Variants in DOCK1 observed in about 807,000 individuals in gnomAD.
DOCK1 encodes the protein dedicator of cytokinesis 1.
A neutral mutation model predicts 262.7 loss-of-function variants in DOCK1; 138 were observed. The ratio of observed to expected loss-of-function variants is 0.53; its 90% CI spans 0.46 to 0.61. DOCK1 has a LOEUF of 0.61. DOCK1 is among the 20% of genes least tolerant of loss of function. The pLI is 0.00. For missense variants in DOCK1, 1,908 were observed against 2,370.7 expected (o/e 0.80, Z 4.05); for synonymous variants, 866 against 867.4 (o/e 1.00, Z 0.03).
At chr10:127,060,018 A>T (rs2045427268) in intron 22 of DOCK1, among the ~76,000 whole-genome samples, 1 of 152,140 alleles carries the variant, frequency 6.6e-6, no homozygotes. Context: ...GACCTTTAGT[A>T]TGCCTCAGTC....
chr10:127,004,746 C>T (rs1172767798), intron 10 of DOCK1, among the ~76,000 whole-genome samples: 5 of 129,494 alleles, frequency 3.9e-5, no homozygotes, highest in Non-Finnish European at 6.7e-5. Context: ...GTCATCCTGT[C>T]CCCCCCAACG....
chr10:127,394,352 TAAAAAAA>T (rs34284692), intron 38 of DOCK1, among the ~76,000 whole-genome samples: 2 of 133,072 alleles, frequency 1.5e-5, no homozygotes, highest in Non-Finnish European at 3.2e-5. Context: ...TGCACCAATG[TAAAAAAA>T]AAAAAAAAAA....
At chr10:127,363,183 G>A (rs2064692116) in intron 33 of DOCK1, among the ~76,000 whole-genome samples, 1 of 152,112 alleles carries the variant, frequency 6.6e-6, no homozygotes, top group Admixed American at 6.5e-5. Context: ...CAAGTACTAG[G>A]GAGTCCTCTG....
At chr10:127,114,367 T>C (rs550077546) in intron 25 of DOCK1, among the ~76,000 whole-genome samples, 2 of 152,260 alleles carry the variant, frequency 1.3e-5, no homozygotes, top group East Asian at 3.9e-4. Flanking sequence ...AGGTTTGGAT[T>C]CACATGGGGA....
intron 38 of DOCK1, among the ~76,000 whole-genome samples, chr10:127,400,829 C>T (rs941606150): frequency 5.9e-5 from 9 of 152,262 alleles, no homozygotes; most frequent in African/African-American, 9.6e-5. Flanking sequence ...TGGGCTTTGG[C>T]TAAGCCAACT....
intron 26 of DOCK1, among the ~76,000 whole-genome samples, chr10:127,126,278 G>A (rs544756756): frequency 2.4e-4 from 36 of 152,054 alleles, no homozygotes; most frequent in African/African-American, 7.5e-4. Flanking sequence ...TGTATTTTTA[G>A]TACAGACGGG....
At chr10:126,964,389 A>G (rs1477000660) in intron 1 of DOCK1, among the ~76,000 whole-genome samples, 2 of 152,218 alleles carry the variant, frequency 1.3e-5, no homozygotes, top group Non-Finnish European at 2.9e-5. Flanking sequence ...TGGACCAGGC[A>G]AACGTGTAGG....
chr10:127,176,063 A>T lies in DOCK1; in HGVS notation c.2847+48299A>T. 6.2e-7 allele frequency: 1 copy of T among 1,613,850 alleles called. No individual in the cohort carries two copies. Among genetic ancestry groups the T allele is most frequent in the Non-Finnish European group, 8.5e-7 (1 of 1,179,982 alleles). On this transcript the variant is annotated intron_variant, in intron 27 of 51. Transcript: ENST00000623213. The surrounding 1 kb of genome is among the most constrained non-coding windows in gnomAD (Gnocchi z 4.4). Reference sequence around the variant, plus strand: ...GAGGGAACGTCTGGTAACACTTCTTAAGGTCGGGCGAGGTCTGCACGCCTG... The same window carrying T: ...GAGGGAACGTCTGGTAACACTTCTTTAGGTCGGGCGAGGTCTGCACGCCTG...
intron 29 of DOCK1, among the ~76,000 whole-genome samples, chr10:127,262,916 G>A (rs2060225635): frequency 6.6e-6 from 1 of 152,152 alleles, no homozygotes. Context: ...TGGAGGTTGG[G>A]TCACGTGCCA....
intron 50 of DOCK1, among the ~76,000 whole-genome samples, chr10:127,447,069 C>T (rs766956721): frequency 2.0e-5 from 3 of 152,284 alleles, no homozygotes; most frequent in Non-Finnish European, 4.4e-5. Flanking sequence ...TAACTTCCAC[C>T]GAGGCAGGGG....
intron 23 of DOCK1, among the ~76,000 whole-genome samples, chr10:127,105,794 T>C (rs12261419): frequency 0.22 from 34,188 of 152,070 alleles, 5,498 homozygotes; most frequent in African/African-American, 0.46. Flanking sequence ...GGATCTTGCT[T>C]TGTTGCCGGG....
At chr10:127,188,571 A>G (rs1326935995) in intron 27 of DOCK1, among the ~76,000 whole-genome samples, 1 of 152,136 alleles carries the variant, frequency 6.6e-6, no homozygotes, top group African/African-American at 2.4e-5. Flanking sequence ...GGGGTGCTCA[A>G]GGTCTTCCCA....
intron 23 of DOCK1, among the ~76,000 whole-genome samples, chr10:127,075,632 A>G (rs975298525): frequency 6.6e-6 from 1 of 152,164 alleles, no homozygotes; most frequent in Non-Finnish European, 1.5e-5. Context: ...AAGGGGAAGC[A>G]AGGACCTTCT....
intron 44 of DOCK1, 33 bp from the exon 45 acceptor site, chr10:127,418,332 G>A (rs968875983): frequency 6.4e-7 from 1 of 1,563,924 alleles, no homozygotes. Context: ...GGCAGCTGTG[G>A]GGCTGACATC....
At chr10:127,207,495 C>T (rs917852167) in intron 27 of DOCK1, among the ~76,000 whole-genome samples, 12 of 152,270 alleles carry the variant, frequency 7.9e-5, no homozygotes, top group African/African-American at 2.2e-4. Flanking sequence ...AAGACTTGGA[C>T]GTACTCTTCC....
chr10:127,404,430 GT>G lies in DOCK1; in HGVS notation c.4122+2del, dbSNP rs763804522. The G allele has an allele frequency of 6.2e-7, 1 of 1,612,430 alleles. No individual in the cohort carries two copies. Among genetic ancestry groups the G allele is most frequent in the Admixed American group, 1.7e-5 (1 of 59,860 alleles). Reference sequence around the variant, plus strand: ...ACAAGGGTTCCCCACATTCCTGCGGGTAAAGTTTGGTTCTGCCTAATCTGAG... The same window carrying G: ...ACAAGGGTTCCCCACATTCCTGCGGGAAAGTTTGGTTCTGCCTAATCTGAG... On this transcript the variant is annotated splice_donor_variant, in intron 40 of 51. Coordinates refer to ENST00000623213, the MANE Select transcript of DOCK1 (RefSeq NM_001290223.2). LOFTEE classifies it high-confidence loss of function.
intron 23 of DOCK1, among the ~76,000 whole-genome samples, chr10:127,099,039 G>C (rs956666903): frequency 2.6e-5 from 4 of 152,310 alleles, no homozygotes; most frequent in Middle Eastern, 3.4e-3. Context: ...GCCAAGGAAA[G>C]CCAGAGCCTG....
chr10:127,126,133 C>T (rs1407452573), intron 26 of DOCK1, among the ~76,000 whole-genome samples: 1 of 149,676 alleles, frequency 6.7e-6, no homozygotes, highest in African/African-American at 2.5e-5. Flanking sequence ...CTTACACTGT[C>T]GCCCAGGCTA....
intron 28 of DOCK1, among the ~76,000 whole-genome samples, chr10:127,251,748 A>G (rs1488885418): frequency 6.7e-6 from 1 of 149,510 alleles, no homozygotes; most frequent in East Asian, 2.0e-4. Flanking sequence ...TCCATGGTGT[A>G]TATGTGCCAC....
Sources: gnomAD v4.1 joint callset for allele counts (sites outside exome capture counted in the v4.1 genomes callset) on GRCh38, gnomAD v4.1.1 for gene constraint, Gnocchi (gnomAD v3.1) non-coding constraint, MANE v1.5 for transcripts, NCBI Gene and HGNC (gene_info 2026-07-23, HGNC 2026-07-21) for gene names.